The following RPF1 variants were observed in gnomAD, a reference collection of about 807,000 sequenced individuals.
RPF1 encodes ribosome production factor 1.
RPF1 carries 34 observed loss-of-function variants against 41.9 expected under a neutral mutation model. The observed-to-expected ratio is 0.81, with a 90% CI of 0.62 to 1.08. The LOEUF (loss-of-function observed/expected upper bound fraction) is 1.08. Among genes scored for constraint, RPF1 ranks in the 50% least tolerant of loss-of-function variants. The pLI is 0.00. For missense variants in RPF1, 425 were observed against 435.2 expected (o/e 0.98, Z 0.21); for synonymous variants, 140 against 148.9 (o/e 0.94, Z 0.43).
chr1:84,495,398 A>C lies in RPF1; in HGVS notation c.642A>C (p.Pro214=), dbSNP rs760478215. ...ATGGACTTATTTTGAGTCACTTGCC[A>C]AATGGCCCAACTGCTCATTTTAAAA... is the stretch of plus-strand genomic sequence containing the variant. ...TPNGLILSHL[P]NGPTAHFKMS... is the part of the protein sequence containing the mutation. Residue 214 remains proline (P), a synonymous_variant, in exon 6 of 9, where the codon CCA becomes CCC. Transcript: ENST00000370654. 8.5e-6 allele frequency: 13 copies of C among 1,528,288 alleles called. No homozygotes were observed. The highest frequency in any genetic ancestry group is 1.1e-5 in the Non-Finnish European group (12 of 1,114,494). 94.7% of individuals were successfully genotyped at this position (1,528,288 alleles called of 1,614,324 possible).
At chr1:84,487,335 G>C (rs1224054165) in intron 3 of RPF1, among the ~76,000 whole-genome samples, 1 of 152,092 alleles carries the variant, frequency 6.6e-6, no homozygotes, top group African/African-American at 2.4e-5. Context: ...ATGATAAAAG[G>C]CTGTCTCATT....
chr1:84,481,037 C>G, intron 2 of RPF1, 25 bp downstream of exon 2: 2 of 1,396,156 alleles, frequency 1.4e-6, no homozygotes, highest in Non-Finnish European at 2.0e-6. Context: ...TAGCTGTTTG[C>G]TTTCTATCTT....
In RPF1 at chr1:84,497,671, G is replaced by A. The variant is rs1681967576; in HGVS notation, c.*201G>A. Reference sequence around the variant, plus strand: ...AATAAAAGTTATTTTGATGGCTTAGGTTTCCTTAAACTTAGTTCTCTTGTT... The same window carrying A: ...AATAAAAGTTATTTTGATGGCTTAGATTTCCTTAAACTTAGTTCTCTTGTT... On this transcript the variant is annotated 3_prime_UTR_variant, in exon 9 of 9. Coordinates refer to ENST00000370654, the MANE Select transcript of RPF1 (RefSeq NM_025065.7). 2.2e-6 allele frequency: 1 copy of A among 445,306 alleles called. No individual in the cohort carries two copies. The highest frequency in any genetic ancestry group is 4.1e-6 in the Non-Finnish European group (1 of 244,498). 27.6% of individuals were successfully genotyped at this position (445,306 alleles called of 1,614,324 possible).
Position 84,485,176 on chromosome 1 carries a change from C to T in RPF1, c.366+2181C>T, listed in dbSNP as rs188411028. On this transcript the variant is annotated intron_variant, in intron 3 of 8. Coordinates refer to ENST00000370654, the MANE Select transcript of RPF1 (RefSeq NM_025065.7). Reference sequence around the variant, plus strand: ...CTGGAGTGCAGTGGCACAATCTCTGCTCACTGCAACCTCCACTTCCCTGGT... The same window carrying T: ...CTGGAGTGCAGTGGCACAATCTCTGTTCACTGCAACCTCCACTTCCCTGGT... Among the ~76,000 whole-genome samples, 8 of 152,322 alleles carry T rather than the reference C, an allele frequency of 5.3e-5. No homozygotes were observed. The East Asian group carries it at 1.5e-3, about 29-fold the overall frequency.
chr1:84,497,546 C>A lies in RPF1; in HGVS notation c.*76C>A. On this transcript the variant is annotated 3_prime_UTR_variant, in exon 9 of 9. Transcript: ENST00000370654. ...TTGGTAAATTATTTTTGACAGAATA[C>A]TCTTTTCAAAATGGCATTTGCTGAT... is the stretch of plus-strand genomic sequence containing the variant. The A allele has an allele frequency of 8.9e-7, 1 of 1,124,526 alleles. No homozygotes were observed. Among genetic ancestry groups the A allele is most frequent in the Non-Finnish European group, 1.3e-6 (1 of 779,016 alleles). The allele number at this position is 1,124,526 out of a possible 1,614,324, so 69.7% of individuals were successfully genotyped here. A position where few individuals can be genotyped will look rare whatever the true frequency, so the allele number is the denominator to read the frequency against.
chr1:84,492,232 G>A (rs1358841235), intron 5 of RPF1, among the ~76,000 whole-genome samples: 2 of 151,916 alleles, frequency 1.3e-5, no homozygotes, highest in Admixed American at 1.3e-4. Context: ...TCCTAATGGT[G>A]ACACATGGGG....
chr1:84,488,073 A>C (rs1681765320), intron 3 of RPF1, among the ~76,000 whole-genome samples: 1 of 152,052 alleles, frequency 6.6e-6, no homozygotes, highest in South Asian at 2.1e-4. Context: ...TTAGCTTCAT[A>C]ATAAGGCTTC....
At position 84,497,461 on chromosome 1, in the gene RPF1, C is replaced by T. The variant is rs763236878; in HGVS notation, c.1041C>T (p.Phe347=). Residue 347 remains phenylalanine (F), a synonymous_variant, in exon 9 of 9, where the codon TTC becomes TTT. Transcript: ENST00000370654. ...PREMDTSRRK[F]HL ...AAATGGATACAAGTAGAAGAAAATT[C>T]CATTTATAAAGTACTGAGAGAATGA... The T allele has an allele frequency of 2.5e-6, 4 of 1,610,558 alleles. No homozygotes were observed. In the South Asian group the frequency reaches 4.4e-5, roughly 18 times the overall value.
At chr1:84,490,221 CATA>C (rs774022742) in intron 4 of RPF1, 95 bp from the exon 5 acceptor site, 16 of 771,470 alleles carry the variant, frequency 2.1e-5, no homozygotes, top group East Asian at 1.6e-4. Context: ...TTCTATTAAT[CATA>C]ATAATTATTA....
At chr1:84,480,787 G>T (rs1318188846) in intron 1 of RPF1, among the ~76,000 whole-genome samples, 169 bp from the exon 2 acceptor site, 1 of 152,154 alleles carries the variant, frequency 6.6e-6, no homozygotes, top group East Asian at 1.9e-4. Context: ...AGCTCATTTG[G>T]CTTACAGTAA....
At chr1:84,481,647 G>A (rs977426262) in intron 2 of RPF1, among the ~76,000 whole-genome samples, 3 of 152,188 alleles carry the variant, frequency 2.0e-5, no homozygotes, top group Admixed American at 1.3e-4. Context: ...GGCTGTATTT[G>A]TGGTACTCAT....
chr1:84,495,374 T>A lies in RPF1; in HGVS notation c.618T>A (p.Asn206Lys), dbSNP rs367968181. 9 of 1,387,410 alleles carry A rather than the reference T, an allele frequency of 6.5e-6. No individual in the cohort carries two copies. The African/African-American group carries it at 1.0e-4, about 15-fold the overall frequency. 85.9% of individuals were successfully genotyped at this position (1,387,410 alleles called of 1,614,324 possible). A position where few individuals can be genotyped will look rare whatever the true frequency, so the allele number is the denominator to read the frequency against. The change falls in exon 6 of 9, where the codon AAT becomes AAA. Residue 206 changes from asparagine to lysine, a missense_variant and splice_region_variant. Physicochemically the swap from Asn to Lys is moderately conservative, Grantham distance 94 (BLOSUM62 0). Coordinates refer to ENST00000370654, the MANE Select transcript of RPF1 (RefSeq NM_025065.7). ...IVINEDRKTP[N>K]GLILSHLPNG... ...GTTTTTCTTAACTTTTATGAACAGA[T>A]GGACTTATTTTGAGTCACTTGCCAA...
intron 6 of RPF1, among the ~76,000 whole-genome samples, 190 bp downstream of exon 6, chr1:84,495,645 T>C (rs747553244): frequency 6.6e-6 from 1 of 152,222 alleles, no homozygotes; most frequent in Non-Finnish European, 1.5e-5. Flanking sequence ...ATAGTCTTCA[T>C]TACTATGAAG....
At chr1:84,496,928 G>A (rs561633051) in intron 8 of RPF1, among the ~76,000 whole-genome samples, 1 of 152,106 alleles carries the variant, frequency 6.6e-6, no homozygotes, top group South Asian at 2.1e-4. Flanking sequence ...CTGGAGTGCA[G>A]GGGCGCCATC....
At chr1:84,488,597 A>G (rs1431894327) in intron 3 of RPF1, among the ~76,000 whole-genome samples, 2 of 152,174 alleles carry the variant, frequency 1.3e-5, no homozygotes, top group Admixed American at 1.3e-4. Context: ...TCAAATAAAT[A>G]GAAAAATCAA....
intron 3 of RPF1, among the ~76,000 whole-genome samples, chr1:84,487,504 A>G (rs575817520): frequency 1.1e-4 from 16 of 152,268 alleles, no homozygotes; most frequent in Admixed American, 7.9e-4. Flanking sequence ...TTGGATACCA[A>G]TTCTTCATAC....
chr1:84,485,458 G>A (rs1052988311), intron 3 of RPF1, among the ~76,000 whole-genome samples: 4 of 152,054 alleles, frequency 2.6e-5, no homozygotes, highest in African/African-American at 9.7e-5. Context: ...ACTTTTGACT[G>A]TGACCCCATC....
intron 3 of RPF1, among the ~76,000 whole-genome samples, chr1:84,486,049 C>G (rs1245984914): frequency 6.6e-6 from 1 of 152,036 alleles, no homozygotes; most frequent in African/African-American, 2.4e-5. Context: ...CATCTTTGGG[C>G]AAAAAGAGCC....
chr1:84,490,605 T>C, intron 5 of RPF1, 133 bp downstream of exon 5: 1 of 629,702 alleles, frequency 1.6e-6, no homozygotes, highest in East Asian at 3.2e-5. Context: ...TGTATCTCTT[T>C]CCAAGAGTCT....
Sources: gnomAD v4.1 joint callset for allele counts (sites outside exome capture counted in the v4.1 genomes callset) on GRCh38, gnomAD v4.1.1 for gene constraint, MANE v1.5 for transcripts, NCBI Gene and HGNC (gene_info 2026-07-23, HGNC 2026-07-21) for gene names.